Variants in SLC14A2 observed in about 807,000 individuals in gnomAD.
The protein encoded by SLC14A2 is urea transporter 2.
In SLC14A2, 91 loss-of-function variants were observed where a neutral mutation model predicts 104.6. That is an observed-to-expected ratio of 0.87 (90% CI 0.73 to 1.04). The LOEUF is 1.04. Among genes scored for constraint, SLC14A2 ranks in the 50% least tolerant of loss-of-function variants. The probability of loss-of-function intolerance (pLI) is 0.00; values close to 1 mark genes in which losing one functional copy is unlikely to be tolerated. For synonymous variants in SLC14A2, 476 were observed against 466.4 expected (o/e 1.02, Z -0.27); for missense variants, 1,189 against 1,156.0 (o/e 1.03, Z -0.41).
At chr18:45,362,719 T>G (rs1202846641) in intron 1 of SLC14A2, among the ~76,000 whole-genome samples, 5 of 152,226 alleles carry the variant, frequency 3.3e-5, no homozygotes, top group Admixed American at 2.0e-4. Flanking sequence ...AGCATAGGTT[T>G]TTCTAGATAT....
At chr18:45,634,664 G>C (rs2045391278) in intron 5 of SLC14A2, among the ~76,000 whole-genome samples, 1 of 152,180 alleles carries the variant, frequency 6.6e-6, no homozygotes, top group South Asian at 2.1e-4. Context: ...TGGCAGGAGG[G>C]GAGGGCAGGT....
At chr18:45,307,262 C>CA (rs2085032024) in intron 1 of SLC14A2, among the ~76,000 whole-genome samples, 2 of 151,604 alleles carry the variant, frequency 1.3e-5, no homozygotes, top group African/African-American at 2.4e-5. Context: ...ACTGAAAATA[C>CA]AAAAAATTAG....
intron 1 of SLC14A2, among the ~76,000 whole-genome samples, chr18:45,409,903 T>G (rs1006331217): frequency 6.6e-6 from 1 of 152,174 alleles, no homozygotes; most frequent in African/African-American, 2.4e-5. Flanking sequence ...CTATTATTAT[T>G]ACATTGTGAT....
chr18:45,553,859 G>T (rs1046503059), intron 2 of SLC14A2, among the ~76,000 whole-genome samples: 3 of 152,038 alleles, frequency 2.0e-5, no homozygotes, highest in Admixed American at 6.5e-5. Flanking sequence ...GTCAGTCTTG[G>T]ACCCTGCCTA....
At chr18:45,479,052 T>C (rs2087443352) in intron 1 of SLC14A2, among the ~76,000 whole-genome samples, 1 of 152,164 alleles carries the variant, frequency 6.6e-6, no homozygotes, top group Admixed American at 6.5e-5. Context: ...AGCAGACACC[T>C]TTCAGCATCT....
chr18:45,324,903 A>G (rs983067022), intron 1 of SLC14A2, among the ~76,000 whole-genome samples: 2 of 152,144 alleles, frequency 1.3e-5, no homozygotes, highest in Admixed American at 6.5e-5. Flanking sequence ...ACTGTTTGGC[A>G]CATTCAGCAC....
chr18:45,615,446 T>C (rs1044680105), upstream of SLC14A2: 1 of 152,094 alleles, frequency 6.6e-6, no homozygotes. Flanking sequence ...GATCTGATGG[T>C]TTTATAAGTG....
At chr18:45,209,549 C>CTT (rs538460084), upstream of SLC14A2, among the ~76,000 whole-genome samples, 1,471 of 123,070 alleles carry the variant, frequency 0.012, 25 homozygotes, top group African/African-American at 0.03. Flanking sequence ...CTTCCTTTTT[C>CTT]TTTTTTTTTT....
At chr18:45,526,977 G>T (rs1359632958) in intron 2 of SLC14A2, among the ~76,000 whole-genome samples, 1 of 152,082 alleles carries the variant, frequency 6.6e-6, no homozygotes, top group African/African-American at 2.4e-5. Flanking sequence ...ATAATGGAAG[G>T]CTATAAACAA....
the SLC14A2 span, among the ~76,000 whole-genome samples, chr18:45,175,983 C>G: frequency 6.6e-6 from 1 of 152,158 alleles, no homozygotes; most frequent in African/African-American, 2.4e-5. Flanking sequence ...TAATAACCTT[C>G]TATTACTGCC....
chr18:45,320,835 C>T (rs1172050270), intron 1 of SLC14A2, among the ~76,000 whole-genome samples: 1 of 152,224 alleles, frequency 6.6e-6, no homozygotes, highest in African/African-American at 2.4e-5. Flanking sequence ...ATCGCTACAA[C>T]ACCCACTCCT....
At chr18:45,588,797 G>A (rs926779540) in intron 2 of SLC14A2, among the ~76,000 whole-genome samples, 2 of 152,166 alleles carry the variant, frequency 1.3e-5, no homozygotes, top group African/African-American at 4.8e-5. Flanking sequence ...TCCCATTCTG[G>A]TGATTGAAGA....
intron 1 of SLC14A2, among the ~76,000 whole-genome samples, chr18:45,274,572 T>A (rs1240703082): frequency 1.3e-5 from 2 of 152,234 alleles, no homozygotes; most frequent in Non-Finnish European, 2.9e-5. Context: ...TTCTTTGAGT[T>A]ACTCACAGGG....
At chr18:45,317,185 C>CTTCCCACTG (rs1164374364) in intron 1 of SLC14A2, among the ~76,000 whole-genome samples, 1 of 152,190 alleles carries the variant, frequency 6.6e-6, no homozygotes, top group Non-Finnish European at 1.5e-5. Flanking sequence ...AGATGAAGCA[C>CTTCCCACTG]TGTAAGATAC....
chr18:45,189,806 G>T, the SLC14A2 span, among the ~76,000 whole-genome samples: 4 of 152,116 alleles, frequency 2.6e-5, no homozygotes, highest in Non-Finnish European at 5.9e-5. Context: ...GGTGATAATG[G>T]ATGCAAAATC....
intron 1 of SLC14A2, among the ~76,000 whole-genome samples, chr18:45,269,291 G>A (rs2084626016): frequency 6.6e-6 from 1 of 152,038 alleles, no homozygotes; most frequent in Non-Finnish European, 1.5e-5. Flanking sequence ...TTGTTTTAAA[G>A]TGAGTATATG....
intron 19 of SLC14A2, among the ~76,000 whole-genome samples, chr18:45,680,785 T>C (rs1201883446): frequency 6.6e-6 from 1 of 152,248 alleles, no homozygotes; most frequent in East Asian, 1.9e-4. Flanking sequence ...TGATCAGAAC[T>C]GAGATTCGGT....
intron 1 of SLC14A2, among the ~76,000 whole-genome samples, chr18:45,311,489 T>A (rs2085078506): frequency 6.6e-6 from 1 of 152,244 alleles, no homozygotes; most frequent in Non-Finnish European, 1.5e-5. Context: ...GCAGGGTAAC[T>A]ATATGATCTG....
At chr18:45,362,955 G>A (rs971007448) in intron 1 of SLC14A2, among the ~76,000 whole-genome samples, 6 of 152,078 alleles carry the variant, frequency 3.9e-5, no homozygotes, top group Non-Finnish European at 7.4e-5. Context: ...TCACTGGGGG[G>A]TACCAGCTTG....
Sources: gnomAD v4.1 joint callset for allele counts (sites outside exome capture counted in the v4.1 genomes callset) on GRCh38, gnomAD v4.1.1 for gene constraint, MANE v1.5 for transcripts, NCBI Gene and HGNC (gene_info 2026-07-23, HGNC 2026-07-21) for gene names.